Variants in ANK3 observed in about 807,000 individuals in gnomAD.
The protein encoded by ANK3 is ankyrin 3.
Under a neutral mutation model 370.9 loss-of-function variants are expected in ANK3, and 57 were observed. That is an observed-to-expected ratio of 0.15 (90% CI 0.12 to 0.19). ANK3 has a LOEUF of 0.19. Ranked by LOEUF, ANK3 falls within the 10% of genes least tolerant of loss-of-function variation. The pLI, the probability that ANK3 is intolerant of heterozygous loss-of-function variation, is 1.00. For synonymous variants in ANK3, 1,929 were observed against 1,946.3 expected (o/e 0.99, Z 0.23); for missense variants, 4,439 against 5,302.1 (o/e 0.84, Z 5.06).
At chr10:60,633,461 A>G (rs1303240339) in intron 1 of ANK3, among the ~76,000 whole-genome samples, 1 of 152,218 alleles carries the variant, frequency 6.6e-6, no homozygotes, top group Non-Finnish European at 1.5e-5. Context: ...AAAAATAATG[A>G]ACATTTATTG....
intron 1 of ANK3, among the ~76,000 whole-genome samples, chr10:60,646,670 A>G (rs12571899): frequency 0.086 from 13,095 of 152,242 alleles, 796 homozygotes; most frequent in Non-Finnish European, 0.12. Flanking sequence ...GAAGGATGTC[A>G]GAGATTACCG....
intron 1 of ANK3, among the ~76,000 whole-genome samples, chr10:60,284,963 G>A (rs1369620669): frequency 1.3e-5 from 2 of 151,908 alleles, no homozygotes; most frequent in Non-Finnish European, 2.9e-5. Context: ...CCTGTCTTCT[G>A]CCTACCAACA....
chr10:60,496,766 C>CAAAG (rs1470259800), intron 2 of ANK3, among the ~76,000 whole-genome samples: 6 of 143,862 alleles, frequency 4.2e-5, no homozygotes, highest in African/African-American at 1.5e-4. Context: ...CCCTAATTTA[C>CAAAG]AAAGGAGAAC....
chr10:60,524,676 T>A (rs2076427227), intron 2 of ANK3, among the ~76,000 whole-genome samples: 1 of 152,114 alleles, frequency 6.6e-6, no homozygotes, highest in Non-Finnish European at 1.5e-5. Context: ...GGGTATGTCT[T>A]TACCAGTAGC....
intron 1 of ANK3, among the ~76,000 whole-genome samples, chr10:60,347,987 A>C (rs1043891691): frequency 3.3e-5 from 5 of 152,082 alleles, no homozygotes; most frequent in Admixed American, 6.6e-5. Context: ...TGAACTTCTT[A>C]GCCCCAACCC....
intron 2 of ANK3, among the ~76,000 whole-genome samples, chr10:60,403,167 C>T (rs896356793): frequency 6.6e-6 from 1 of 151,992 alleles, no homozygotes; most frequent in Non-Finnish European, 1.5e-5. Context: ...ATCTAAGGAG[C>T]CTATGTAGAA....
chr10:60,330,568 G>A (rs1346103513), intron 1 of ANK3, among the ~76,000 whole-genome samples: 1 of 152,066 alleles, frequency 6.6e-6, no homozygotes, highest in South Asian at 2.1e-4. Context: ...AAACCACAAT[G>A]AGCTCTCACG....
At chr10:60,094,181 ATT>A (rs1169437967) in intron 28 of ANK3, among the ~76,000 whole-genome samples, 28,883 of 115,796 alleles carry the variant, frequency 0.25, 3,186 homozygotes, top group Non-Finnish European at 0.33. Context: ...ACAGTATTCT[ATT>A]TTTTTTTTTT....
At chr10:60,433,755 T>A (rs977907861) in intron 2 of ANK3, among the ~76,000 whole-genome samples, 39 of 152,210 alleles carry the variant, frequency 2.6e-4, no homozygotes, top group Non-Finnish European at 8.8e-5. Flanking sequence ...AGAAAAACAC[T>A]CTTACTACAT....
intron 1 of ANK3, chr10:60,684,580 C>A: frequency 6.3e-7 from 1 of 1,587,774 alleles, no homozygotes; most frequent in Non-Finnish European, 8.6e-7. Flanking sequence ...CATTGTTATG[C>A]TGGGTTTGGA....
chr10:60,452,035 A>G (rs1429659044), intron 2 of ANK3, among the ~76,000 whole-genome samples: 2 of 152,160 alleles, frequency 1.3e-5, no homozygotes, highest in Non-Finnish European at 2.9e-5. Context: ...GAAGTACTTC[A>G]CCTTCTGGGG....
intron 1 of ANK3, among the ~76,000 whole-genome samples, chr10:60,313,184 G>A (rs762898276): frequency 6.6e-6 from 1 of 152,322 alleles, no homozygotes; most frequent in Middle Eastern, 3.4e-3. Context: ...CCAGGACCCT[G>A]CGGATAACAT....
intron 1 of ANK3, among the ~76,000 whole-genome samples, chr10:60,649,099 AC>A (rs1288809511): frequency 2.6e-5 from 4 of 152,024 alleles, no homozygotes. Flanking sequence ...GAACCACCTA[AC>A]CCTCTGTTCC....
chr10:60,117,498 G>A (rs2093177469), intron 25 of ANK3, among the ~76,000 whole-genome samples: 1 of 152,140 alleles, frequency 6.6e-6, no homozygotes, highest in African/African-American at 2.4e-5. Flanking sequence ...AAAAACTCCA[G>A]GGAAAATAAA....
intron 1 of ANK3, among the ~76,000 whole-genome samples, chr10:60,282,242 C>G (rs992606964): frequency 8.5e-5 from 13 of 152,220 alleles, no homozygotes; most frequent in African/African-American, 3.1e-4. Context: ...TACATAACAA[C>G]AGCGGCTAAA....
chr10:60,053,587 G>C, intron 42 of ANK3: 1 of 1,035,394 alleles, frequency 9.7e-7, no homozygotes, highest in East Asian at 6.7e-5. Context: ...AATTGGTAAA[G>C]GGGAAAACAA....
chr10:60,268,586 C>T (rs2132664937), intron 5 of ANK3, among the ~76,000 whole-genome samples: 1 of 152,018 alleles, frequency 6.6e-6, no homozygotes, highest in Admixed American at 6.5e-5. Context: ...TGTTGACAAA[C>T]ATCCTTTATA....
intron 1 of ANK3, among the ~76,000 whole-genome samples, chr10:60,305,888 A>C (rs1240614341): frequency 6.6e-6 from 1 of 152,206 alleles, no homozygotes; most frequent in Non-Finnish European, 1.5e-5. Flanking sequence ...GGATGGACTG[A>C]AAGTGCCGCT....
At chr10:60,663,071 GCCTCACAAAATCAGTC>G (rs1248701902) in intron 1 of ANK3, among the ~76,000 whole-genome samples, 1 of 152,022 alleles carries the variant, frequency 6.6e-6, no homozygotes, top group African/African-American at 2.4e-5. Flanking sequence ...CCATGAACTC[GCCTCACAAAATCAGTC>G]CCCCAAAATG....
Sources: allele counts gnomAD v4.1 joint callset (sites outside exome capture counted in the v4.1 genomes callset), GRCh38; gene constraint gnomAD v4.1.1; transcripts MANE v1.5; gene names NCBI Gene and HGNC (gene_info 2026-07-23, HGNC 2026-07-21).